The following CNTN5 variants were observed in gnomAD, a reference collection of about 807,000 sequenced individuals.
The protein encoded by CNTN5 is contactin-5.
CNTN5 carries 77 observed loss-of-function variants against 129.1 expected under a neutral mutation model. That is an observed-to-expected ratio of 0.60 (90% CI 0.50 to 0.72). The LOEUF is 0.72. Among genes scored for constraint, CNTN5 ranks in the 30% least tolerant of loss-of-function variants. CNTN5 has a pLI of 0.00. For synonymous variants in CNTN5, 509 were observed against 465.6 expected (o/e 1.09, Z -1.20); for missense variants, 1,478 against 1,328.8 (o/e 1.11, Z -1.75).
At chr11:99,859,327 C>T (rs142553186) in intron 6 of CNTN5, among the ~76,000 whole-genome samples, 114 of 152,282 alleles carry the variant, frequency 7.5e-4, no homozygotes, top group African/African-American at 2.4e-3. Flanking sequence ...TTTAGGCCAT[C>T]CTTTTTTATT....
intron 3 of CNTN5, among the ~76,000 whole-genome samples, chr11:99,607,933 C>T (rs1377055317): frequency 9.0e-6 from 1 of 111,690 alleles, no homozygotes; most frequent in Non-Finnish European, 1.8e-5. Flanking sequence ...GGGAATATCA[C>T]ACTCTGGGGA....
At chr11:99,781,181 T>C (rs1296395075) in intron 3 of CNTN5, among the ~76,000 whole-genome samples, 6 of 151,988 alleles carry the variant, frequency 3.9e-5, no homozygotes, top group African/African-American at 1.4e-4. Context: ...TATTCAAGAG[T>C]AAAATAAATT....
intron 21 of CNTN5, among the ~76,000 whole-genome samples, chr11:100,335,627 G>C (rs1306853870): frequency 1.3e-5 from 2 of 152,078 alleles, no homozygotes; most frequent in African/African-American, 4.8e-5. Context: ...AATTAGCCAG[G>C]CGTGGTGGTA....
At chr11:99,161,873 T>C (rs1860627684) in intron 1 of CNTN5, among the ~76,000 whole-genome samples, 1 of 152,272 alleles carries the variant, frequency 6.6e-6, no homozygotes, top group East Asian at 1.9e-4. Context: ...CTTTTACCAC[T>C]GTTGGGACTG....
chr11:99,767,812 T>A (rs930048132), intron 3 of CNTN5, among the ~76,000 whole-genome samples: 10 of 152,054 alleles, frequency 6.6e-5, no homozygotes, highest in African/African-American at 2.4e-4. Context: ...TACTGTTATT[T>A]CCACTTCTAT....
intron 15 of CNTN5, among the ~76,000 whole-genome samples, chr11:100,210,639 T>G (rs1016324884): frequency 1.3e-5 from 2 of 152,196 alleles, no homozygotes; most frequent in African/African-American, 4.8e-5. Flanking sequence ...TAGGCAGTTT[T>G]GCTGAATTTC....
At chr11:100,158,672 G>T (rs1490734106) in intron 13 of CNTN5, among the ~76,000 whole-genome samples, 2 of 151,796 alleles carry the variant, frequency 1.3e-5, no homozygotes, top group South Asian at 2.1e-4. Context: ...TCCAAATTAG[G>T]AAACATTTTA....
intron 3 of CNTN5, among the ~76,000 whole-genome samples, chr11:99,794,707 C>G (rs1260149066): frequency 1.3e-5 from 2 of 152,068 alleles, no homozygotes; most frequent in African/African-American, 2.4e-5. Context: ...ATATGAACTT[C>G]TTGGTTGGAA....
chr11:99,938,459 A>G (rs922551810), intron 7 of CNTN5, among the ~76,000 whole-genome samples: 1 of 152,160 alleles, frequency 6.6e-6, no homozygotes, highest in African/African-American at 2.4e-5. Context: ...TTCTTGGAGC[A>G]ATCAGCTCTT....
At chr11:99,830,995 A>C (rs1030706195) in intron 4 of CNTN5, among the ~76,000 whole-genome samples, 7 of 152,154 alleles carry the variant, frequency 4.6e-5, no homozygotes, top group Admixed American at 4.6e-4. Context: ...ATTTTTGAAC[A>C]CAATAGTGGA....
At chr11:99,414,141 A>T (rs1370939038) in intron 2 of CNTN5, among the ~76,000 whole-genome samples, 1 of 152,230 alleles carries the variant, frequency 6.6e-6, no homozygotes, top group African/African-American at 2.4e-5. Context: ...GGATCAGGAA[A>T]CCTGTTATAT....
At chr11:99,942,285 A>T (rs1010870427) in intron 7 of CNTN5, among the ~76,000 whole-genome samples, 1 of 152,046 alleles carries the variant, frequency 6.6e-6, no homozygotes, top group Admixed American at 6.6e-5. Flanking sequence ...ATGGGAGAAC[A>T]TAGGACCACT....
chr11:100,011,820 C>T (rs1940552977), intron 9 of CNTN5, among the ~76,000 whole-genome samples: 1 of 152,128 alleles, frequency 6.6e-6, no homozygotes, highest in Non-Finnish European at 1.5e-5. Context: ...TTCCTTTCCT[C>T]ACCCCTTAGC....
chr11:100,073,397 T>C (rs1190146751), intron 12 of CNTN5, among the ~76,000 whole-genome samples: 6 of 152,024 alleles, frequency 3.9e-5, no homozygotes, highest in African/African-American at 7.2e-5. Flanking sequence ...TCTATACATA[T>C]CTTTTTCAAT....
chr11:100,209,502 A>G (rs916709446), intron 15 of CNTN5, among the ~76,000 whole-genome samples: 2 of 152,206 alleles, frequency 1.3e-5, no homozygotes, highest in African/African-American at 4.8e-5. Flanking sequence ...AGAAAATTCT[A>G]ATCACTTTAC....
At chr11:100,310,315 T>C (rs1951446863) in intron 21 of CNTN5, among the ~76,000 whole-genome samples, 1 of 151,878 alleles carries the variant, frequency 6.6e-6, no homozygotes, top group African/African-American at 2.4e-5. Context: ...GTTCCCCTTA[T>C]ATAGCCAGTC....
At chr11:99,733,980 C>G (rs1390070108) in intron 3 of CNTN5, among the ~76,000 whole-genome samples, 4 of 152,120 alleles carry the variant, frequency 2.6e-5, no homozygotes, top group Admixed American at 2.6e-4. Flanking sequence ...AGGAAGGAGG[C>G]CCCAGAGTTC....
At chr11:99,391,862 A>G (rs1941279408) in intron 2 of CNTN5, among the ~76,000 whole-genome samples, 1 of 151,994 alleles carries the variant, frequency 6.6e-6, no homozygotes, top group African/African-American at 2.4e-5. Context: ...CAGAATATTT[A>G]TGTTAATCAT....
At position 99,914,806 on chromosome 11, in the gene CNTN5, A is replaced by T. The variant is rs1407164694; in HGVS notation, c.578-1248A>T. On this transcript the variant is annotated intron_variant, in intron 6 of 24. Coordinates refer to ENST00000524871, the MANE Select transcript of CNTN5 (RefSeq NM_014361.4). ...GACCCCCATGATTTTGGATGTGTTT[A>T]AGAAGATTTGGTTATACATTCAGCA... is the stretch of plus-strand genomic sequence containing the variant. Among the ~76,000 whole-genome samples the T allele has an allele frequency of 2.0e-5, 3 of 152,200 alleles. No homozygotes were observed. The East Asian group carries it at 5.8e-4, about 29-fold the overall frequency.
Sources: allele counts gnomAD v4.1 joint callset (sites outside exome capture counted in the v4.1 genomes callset), GRCh38; gene constraint gnomAD v4.1.1; transcripts MANE v1.5; gene names NCBI Gene and HGNC (gene_info 2026-07-23, HGNC 2026-07-21).